Variants in ATG13 observed in about 807,000 individuals in gnomAD.
ATG13 encodes autophagy related 13.
Under a neutral mutation model 65.5 loss-of-function variants are expected in ATG13, and 23 were observed. That is an observed-to-expected ratio of 0.35 (90% CI 0.25 to 0.50). The LOEUF (loss-of-function observed/expected upper bound fraction) is 0.50, where lower values mean the gene tolerates loss of function less well. Ranked by LOEUF, ATG13 falls within the 20% of genes least tolerant of loss-of-function variation. The probability of loss-of-function intolerance (pLI) is 0.98; values close to 1 mark genes in which losing one functional copy is unlikely to be tolerated. For missense variants in ATG13, 566 were observed against 677.0 expected (o/e 0.84, Z 1.82); for synonymous variants, 252 against 245.2 (o/e 1.03, Z -0.26).
chr11:46,667,815 C>G lies in ATG13; in HGVS notation c.1179C>G (p.Ala393=), dbSNP rs1354647625. ...TATCAAACAGCAGTGAGGGACGGGC[C>G]TCCCCTCACGATGTCTTGGAGACCA... The part of the protein sequence containing the change: ...ETVSNSSEGR[A]SPHDVLETIF... Residue 393 remains alanine, a synonymous_variant, in exon 15 of 19, where the codon GCC becomes GCG. Transcript: ENST00000683050. 6.2e-7 allele frequency: 1 copy of G among 1,611,878 alleles called. No homozygotes were observed. Among genetic ancestry groups the G allele is most frequent in the Non-Finnish European group, 8.5e-7 (1 of 1,178,216 alleles).
At chr11:46,663,946 T>G in intron 11 of ATG13, 51 bp from the exon 12 acceptor site, 1 of 238,514 alleles carries the variant, frequency 4.2e-6, no homozygotes, top group Non-Finnish European at 6.5e-6. Flanking sequence ...GTCCCTTTTC[T>G]TTTTTTTTTT....
chr11:46,638,618 C>T (rs1329312453), intron 2 of ATG13: 2 of 152,140 alleles, frequency 1.3e-5, no homozygotes, highest in African/African-American at 4.8e-5. Context: ...CTGGTAACTC[C>T]TATTCTACTC....
At chr11:46,632,037 TTTA>T (rs1373444382) in intron 2 of ATG13, among the ~76,000 whole-genome samples, 3 of 152,212 alleles carry the variant, frequency 2.0e-5, no homozygotes, top group African/African-American at 7.2e-5. Context: ...ATAAATAGTT[TTTA>T]TTACTCAACT....
intron 2 of ATG13, among the ~76,000 whole-genome samples, chr11:46,642,798 C>G (rs1217286305): frequency 6.6e-6 from 1 of 152,176 alleles, no homozygotes; most frequent in East Asian, 1.9e-4. Context: ...TGTGTCACTT[C>G]CTCTCGTCAA....
At chr11:46,630,728 G>C (rs921720040) in intron 2 of ATG13, among the ~76,000 whole-genome samples, 1 of 151,660 alleles carries the variant, frequency 6.6e-6, no homozygotes, top group African/African-American at 2.4e-5. Context: ...ATGCCACCAT[G>C]CCCGGCTACT....
intron 1 of ATG13, among the ~76,000 whole-genome samples, chr11:46,618,964 T>A (rs550500661): frequency 6.6e-6 from 1 of 152,134 alleles, no homozygotes; most frequent in Admixed American, 6.6e-5. Context: ...GTTACATGCA[T>A]AAGCCACAGA....
chr11:46,647,035 C>T lies in ATG13; in HGVS notation c.270+1046C>T, dbSNP rs553021502. 8.5e-5 allele frequency among the ~76,000 whole-genome samples: 13 copies of T among 152,260 alleles called. No individual in the cohort carries two copies. In the South Asian group the frequency reaches 2.1e-3, roughly 24 times the overall value. Reference sequence around the variant, plus strand: ...TCAGTCTCTCAGAGTGCTGGGATTACAGGGGTCGTGGTTTTTGAACTTATT... The same window carrying T: ...TCAGTCTCTCAGAGTGCTGGGATTATAGGGGTCGTGGTTTTTGAACTTATT... On this transcript the variant is annotated intron_variant, in intron 5 of 18. Coordinates refer to ENST00000683050, the MANE Select transcript of ATG13 (RefSeq NM_001346311.2).
At chr11:46,651,369 A>G (rs73451863) in intron 7 of ATG13, among the ~76,000 whole-genome samples, 1,841 of 152,228 alleles carry the variant, frequency 0.012, 45 homozygotes, top group African/African-American at 0.043. Flanking sequence ...TGAGCTGGTA[A>G]AAGTGAGGGA....
At chr11:46,618,905 A>T (rs1259684147) in intron 1 of ATG13, among the ~76,000 whole-genome samples, 1 of 152,036 alleles carries the variant, frequency 6.6e-6, no homozygotes, top group African/African-American at 2.4e-5. Flanking sequence ...TTAATCTCAA[A>T]CTCCTGGGCT....
intron 2 of ATG13, among the ~76,000 whole-genome samples, chr11:46,634,230 G>A (rs1002038242): frequency 1.3e-5 from 2 of 151,770 alleles, no homozygotes; most frequent in African/African-American, 4.8e-5. Flanking sequence ...TCAGTAGCTG[G>A]GATTACAGGC....
At chr11:46,653,561 A>G (rs2059350293) in intron 7 of ATG13, among the ~76,000 whole-genome samples, 1 of 150,034 alleles carries the variant, frequency 6.7e-6, no homozygotes, top group African/African-American at 2.4e-5. Flanking sequence ...CTAACCATGA[A>G]GCTTCTTTTT....
intron 1 of ATG13, chr11:46,625,269 C>CTTTTTTT (rs59095357): frequency 2.6e-3 from 222 of 84,292 alleles, no homozygotes; most frequent in African/African-American, 3.9e-3. Context: ...CTTGCTCTTT[C>CTTTTTTT]TTTTTTTTTT....
chr11:46,669,667 C>A, intron 18 of ATG13, 135 bp downstream of exon 18: 1 of 1,159,756 alleles, frequency 8.6e-7, no homozygotes, highest in Non-Finnish European at 1.2e-6. Flanking sequence ...ATCTTTTGAT[C>A]ACTCTTGAGA....
intron 2 of ATG13, among the ~76,000 whole-genome samples, chr11:46,639,853 ATT>A (rs377458204): frequency 0.047 from 5,969 of 126,936 alleles, 316 homozygotes; most frequent in African/African-American, 0.17. Context: ...TGCTTATGCA[ATT>A]TTTTTTTTTT....
At chr11:46,655,413 C>G (rs768342785) in intron 7 of ATG13, among the ~76,000 whole-genome samples, 6 of 149,636 alleles carry the variant, frequency 4.0e-5, no homozygotes, top group Non-Finnish European at 4.5e-5. Flanking sequence ...GCAAAACAAA[C>G]AAACAAAAAA....
rs1170053852 is a variant in ATG13 at position 46,672,848 on chromosome 11, ATCTTCTTCTCC to A, written c.*527_*537del. The A allele has an allele frequency of 2.0e-5, 24 of 1,189,630 alleles. No homozygotes were observed. The highest frequency in any genetic ancestry group is 2.5e-5 in the Non-Finnish European group (23 of 923,370). 73.7% of individuals were successfully genotyped at this position (1,189,630 alleles called of 1,614,324 possible). A position where few individuals can be genotyped will look rare whatever the true frequency, so the allele number is the denominator to read the frequency against. On this transcript the variant is annotated 3_prime_UTR_variant, in exon 19 of 19. Transcript: ENST00000683050. ...TTCATTGTCCCCTTTACTTCCTGCT[ATCTTCTTCTCC>A]TCTTCTTCTCTCTCTTGCCTCTATG... is the stretch of plus-strand genomic sequence containing the variant.
chr11:46,643,592 A>G (rs2056754764), intron 2 of ATG13, among the ~76,000 whole-genome samples: 2 of 148,694 alleles, frequency 1.3e-5, no homozygotes, highest in Non-Finnish European at 3.0e-5. Flanking sequence ...ATCATCTCAA[A>G]TCATTTCAAC....
intron 2 of ATG13, among the ~76,000 whole-genome samples, chr11:46,638,024 A>G (rs2054583005): frequency 6.6e-6 from 1 of 152,224 alleles, no homozygotes; most frequent in South Asian, 2.1e-4. Flanking sequence ...TAATAATTAT[A>G]CATATTTATG....
At chr11:46,618,020 C>G in intron 1 of ATG13, 130 bp downstream of exon 1, 2 of 397,052 alleles carry the variant, frequency 5.0e-6, no homozygotes, top group Non-Finnish European at 4.4e-6. Flanking sequence ...CCCCTGGGCC[C>G]CTGAGTTTTC....
Sources: allele counts gnomAD v4.1 joint callset (sites outside exome capture counted in the v4.1 genomes callset), GRCh38; gene constraint gnomAD v4.1.1; transcripts MANE v1.5; gene names NCBI Gene and HGNC (gene_info 2026-07-23, HGNC 2026-07-21).